GNG4: variants seen among roughly 807,000 people sequenced by gnomAD.
GNG4 encodes guanine nucleotide-binding protein G(I)/G(S)/G(O) subunit gamma-4.
In GNG4, 4 loss-of-function variants were observed where a neutral mutation model predicts 5.8. That is an observed-to-expected ratio of 0.69 (90% CI 0.34 to 1.57). The LOEUF (loss-of-function observed/expected upper bound fraction) is 1.57, where lower values mean the gene tolerates loss of function less well. Ranked by LOEUF, GNG4 falls within the 40% of genes most tolerant of loss-of-function variation. GNG4 has a pLI of 0.06. For synonymous variants in GNG4, 29 were observed against 32.9 expected (o/e 0.88, Z 0.41); for missense variants, 96 against 95.1 (o/e 1.01, Z -0.04).
intron 3 of GNG4, among the ~76,000 whole-genome samples, chr1:235,576,655 G>C (rs907056624): frequency 2.6e-5 from 4 of 152,120 alleles, no homozygotes; most frequent in African/African-American, 4.8e-5. Context: ...ATCTTTGTTG[G>C]GAAATGCTTT....
Position 235,648,386 on chromosome 1 carries a change from G to T in GNG4, c.-123+1276C>A, listed in dbSNP as rs1316469705. 5.3e-5 allele frequency among the ~76,000 whole-genome samples: 8 copies of T among 152,174 alleles called. No homozygotes were observed. Among genetic ancestry groups the T allele is most frequent in the Non-Finnish European group, 4.4e-5 (3 of 68,032 alleles). ...AACCCTACATTTCAAAAACAATCCA[G>T]TTTATAGGTCCTCTGTCTGTTTCTC... On this transcript the variant is annotated intron_variant, in intron 1 of 3. Coordinates refer to ENST00000391854, the MANE Select transcript of GNG4 (RefSeq NM_001098722.2). The surrounding 1 kb of genome is among the most constrained non-coding windows in gnomAD (Gnocchi z 5.0).
intron 2 of GNG4, among the ~76,000 whole-genome samples, chr1:235,593,908 G>T (rs2774322): frequency 1.6e-4 from 25 of 152,080 alleles, no homozygotes; most frequent in South Asian, 6.2e-4. Context: ...AACAAAGCCT[G>T]CACAGCGTGC....
intron 3 of GNG4, among the ~76,000 whole-genome samples, chr1:235,554,466 C>T (rs899399592): frequency 1.3e-5 from 2 of 152,210 alleles, no homozygotes; most frequent in Non-Finnish European, 2.9e-5. Context: ...GGAACAACCA[C>T]ATTCCTCCTC....
chr1:235,579,829 C>T (rs970612581), intron 3 of GNG4, among the ~76,000 whole-genome samples: 2 of 114,460 alleles, frequency 1.7e-5, no homozygotes, highest in Non-Finnish European at 3.5e-5. Context: ...CCAGCCCAGG[C>T]AACAGAGTGA....
In GNG4 at chr1:235,598,008, C is replaced by T. The variant is rs557897505; in HGVS notation, c.-122-2497G>A. Among the ~76,000 whole-genome samples the T allele has an allele frequency of 2.6e-5, 4 of 152,274 alleles. No individual in the cohort carries two copies. In the South Asian group the frequency reaches 8.3e-4, roughly 32 times the overall value. ...CAGAACCACTGAGGCAACTGGCTTC[C>T]CTGACTCTGGCTACCCAAGACCCCA... On this transcript the variant is annotated intron_variant, in intron 1 of 3. Coordinates refer to ENST00000391854, the MANE Select transcript of GNG4 (RefSeq NM_001098722.2).
chr1:235,616,261 G>C, intron 1 of GNG4: 1 of 489,922 alleles, frequency 2.0e-6, no homozygotes, highest in Non-Finnish European at 4.0e-6. Flanking sequence ...TGTTCCCTGA[G>C]ACGAATGAGG....
intron 2 of GNG4, among the ~76,000 whole-genome samples, chr1:235,585,261 T>C (rs1687731617): frequency 6.6e-6 from 1 of 151,952 alleles, no homozygotes. Context: ...TCCTTCTTTT[T>C]GAGATAGGGT....
chr1:235,607,554 T>G (rs1191603604), intron 1 of GNG4, among the ~76,000 whole-genome samples: 1 of 152,184 alleles, frequency 6.6e-6, no homozygotes, highest in African/African-American at 2.4e-5. Flanking sequence ...CTGAAGCAAA[T>G]GCATTGTACT....
At position 235,592,335 on chromosome 1, in the gene GNG4, G is replaced by A. The variant is rs111413604; in HGVS notation, c.-11+3065C>T. Among the ~76,000 whole-genome samples, 293 of 152,206 alleles carry A rather than the reference G, an allele frequency of 1.9e-3. 2 individuals carry two copies. The highest frequency in any genetic ancestry group is 6.4e-3 in the African/African-American group (266 of 41,530). ...AGCCTGGCCAACATGGTGAAACCCC[G>A]TCTTTACTAAAAATACAAAAAAGAT... On this transcript the variant is annotated intron_variant, in intron 2 of 3. Transcript: ENST00000391854.
chr1:235,650,241 G>C (rs905037763), upstream of GNG4, among the ~76,000 whole-genome samples: 1 of 21,796 alleles, frequency 4.6e-5, no homozygotes, highest in African/African-American at 1.6e-4. Context: ...CTGTGGGGCG[G>C]GGCCGGGGGG....
intron 1 of GNG4, among the ~76,000 whole-genome samples, chr1:235,600,099 G>GATTTTTTT (rs1558492553): frequency 1.9e-5 from 1 of 51,418 alleles, no homozygotes; most frequent in Non-Finnish European, 4.2e-5. Flanking sequence ...GCGGAAGAAA[G>GATTTTTTT]CTTTTTTTTT....
chr1:235,563,671 C>G (rs1164355644), intron 3 of GNG4, among the ~76,000 whole-genome samples: 3 of 152,176 alleles, frequency 2.0e-5, no homozygotes, highest in Non-Finnish European at 4.4e-5. Context: ...TAAATACTCA[C>G]CTTCCCAGAA....
intron 3 of GNG4, among the ~76,000 whole-genome samples, chr1:235,582,762 C>A (rs973486102): frequency 2.6e-5 from 4 of 152,212 alleles, no homozygotes; most frequent in African/African-American, 4.8e-5. Context: ...TCCGGTGATA[C>A]TGACTTACAT....
chr1:235,577,145 G>C (rs527638284), intron 3 of GNG4, among the ~76,000 whole-genome samples: 22 of 152,270 alleles, frequency 1.4e-4, no homozygotes, highest in African/African-American at 5.3e-4. Context: ...TACAGAGCCT[G>C]GTGGTGGGCC....
At chr1:235,582,976 G>A (rs748154195) in intron 3 of GNG4, among the ~76,000 whole-genome samples, 1 of 152,120 alleles carries the variant, frequency 6.6e-6, no homozygotes, top group Non-Finnish European at 1.5e-5. Flanking sequence ...TTCAGGAGTC[G>A]CCCGTTGCCA....
intron 2 of GNG4, among the ~76,000 whole-genome samples, chr1:235,590,582 C>T (rs144643500): frequency 2.0e-5 from 3 of 152,300 alleles, no homozygotes; most frequent in Non-Finnish European, 4.4e-5. Context: ...GCCTGCTCCA[C>T]GGTCTCTGCT....
chr1:235,587,779 G>T (rs539839561), intron 2 of GNG4, among the ~76,000 whole-genome samples: 9 of 101,276 alleles, frequency 8.9e-5, no homozygotes, highest in East Asian at 1.5e-3. Flanking sequence ...GTGGGGTGGG[G>T]GTGTGTGTGT....
intron 3 of GNG4, among the ~76,000 whole-genome samples, chr1:235,554,364 CA>C (rs1042474927): frequency 2.6e-5 from 4 of 152,218 alleles, no homozygotes; most frequent in Admixed American, 2.6e-4. Context: ...CATGTTAGGA[CA>C]GCCACTAAAT....
At chr1:235,627,513 A>G (rs577008752) in intron 1 of GNG4, among the ~76,000 whole-genome samples, 1 of 152,152 alleles carries the variant, frequency 6.6e-6, no homozygotes, top group East Asian at 1.9e-4. Context: ...GAGCCACCGC[A>G]CCTGGCCGAC....
Sources: gnomAD v4.1 joint callset for allele counts (sites outside exome capture counted in the v4.1 genomes callset) on GRCh38, gnomAD v4.1.1 for gene constraint, Gnocchi (gnomAD v3.1) non-coding constraint, MANE v1.5 for transcripts, NCBI Gene and HGNC (gene_info 2026-07-23, HGNC 2026-07-21) for gene names.